SLC35F4: variants seen among roughly 807,000 people sequenced by gnomAD.
The protein encoded by SLC35F4 is solute carrier family 35 member F4, also known as chromosome 14 open reading frame 36.
SLC35F4 carries 24 observed loss-of-function variants against 44.2 expected under a neutral mutation model. The observed-to-expected ratio is 0.54, with a 90% CI of 0.39 to 0.76. The LOEUF (loss-of-function observed/expected upper bound fraction) is 0.76. Among genes scored for constraint, SLC35F4 ranks in the 30% least tolerant of loss-of-function variants. SLC35F4 has a pLI of 0.00. For synonymous variants in SLC35F4, 238 were observed against 223.6 expected (o/e 1.06, Z -0.57); for missense variants, 562 against 586.1 (o/e 0.96, Z 0.42).
intron 1 of SLC35F4, among the ~76,000 whole-genome samples, chr14:57,847,749 T>C (rs1282008113): frequency 6.6e-6 from 1 of 152,208 alleles, no homozygotes; most frequent in Admixed American, 6.5e-5. Context: ...TTTTCCCCCA[T>C]GTTGTGACAT....
rs541774650 is a variant in SLC35F4, at chr14:57,715,219, T to C, written c.104-121095A>G. Among the ~76,000 whole-genome samples the C allele has an allele frequency of 2.6e-5, 4 of 152,012 alleles. No homozygotes were observed. In the East Asian group the frequency reaches 7.8e-4, roughly 29 times the overall value. ...TTCCAGGTTGGCAATTTATAGACAA[T>C]AATGCAGAAGAATGCAAGAGGAAGA... On this transcript the variant is annotated intron_variant, in intron 1 of 7. Transcript: ENST00000556826.
chr14:57,844,524 C>G (rs1338113692), intron 1 of SLC35F4, among the ~76,000 whole-genome samples: 1 of 152,120 alleles, frequency 6.6e-6, no homozygotes, highest in Non-Finnish European at 1.5e-5. Context: ...GATCATAATT[C>G]CACCAATATT....
intron 1 of SLC35F4, among the ~76,000 whole-genome samples, chr14:57,832,458 G>A (rs895657997): frequency 1.3e-5 from 2 of 152,132 alleles, no homozygotes; most frequent in Admixed American, 6.5e-5. Flanking sequence ...CTATAGTTAA[G>A]AAAATTATAT....
intron 3 of SLC35F4, among the ~76,000 whole-genome samples, chr14:57,585,604 G>T (rs1320779865): frequency 6.6e-6 from 1 of 152,146 alleles, no homozygotes; most frequent in African/African-American, 2.4e-5. Flanking sequence ...TACCGCCTCA[G>T]CCTAAAATCT....
chr14:57,747,426 C>G (rs1367495802), intron 1 of SLC35F4, among the ~76,000 whole-genome samples: 2 of 152,092 alleles, frequency 1.3e-5, no homozygotes, highest in Non-Finnish European at 2.9e-5. Flanking sequence ...ATTTTGACTA[C>G]CTTTTAAAAA....
chr14:57,593,060 A>C (rs977360857), intron 2 of SLC35F4, among the ~76,000 whole-genome samples: 1 of 152,224 alleles, frequency 6.6e-6, no homozygotes, highest in African/African-American at 2.4e-5. Flanking sequence ...AAAGACAATC[A>C]TACCACAAGT....
At chr14:57,672,000 T>C (rs2074538137) in intron 1 of SLC35F4, among the ~76,000 whole-genome samples, 1 of 152,124 alleles carries the variant, frequency 6.6e-6, no homozygotes, top group Admixed American at 6.5e-5. Context: ...ACTTGATTCC[T>C]TACTTCTGGA....
intron 1 of SLC35F4, among the ~76,000 whole-genome samples, chr14:57,649,839 T>C (rs2073709033): frequency 6.6e-6 from 1 of 152,118 alleles, no homozygotes; most frequent in South Asian, 2.1e-4. Context: ...CCATACTGAA[T>C]CCAGAGATTT....
chr14:57,707,796 T>G (rs969483186), intron 1 of SLC35F4, among the ~76,000 whole-genome samples: 1 of 152,142 alleles, frequency 6.6e-6, no homozygotes, highest in African/African-American at 2.4e-5. Context: ...CTTTGCAAAA[T>G]TATAACTGAG....
At chr14:57,750,197 T>C (rs575791541) in intron 1 of SLC35F4, among the ~76,000 whole-genome samples, 23 of 152,284 alleles carry the variant, frequency 1.5e-4, no homozygotes, top group African/African-American at 5.3e-4. Flanking sequence ...TTTCCATCCA[T>C]GTTGCTGCAA....
intron 1 of SLC35F4, among the ~76,000 whole-genome samples, chr14:57,823,345 TG>T (rs1382379781): frequency 1.3e-5 from 2 of 152,196 alleles, no homozygotes; most frequent in African/African-American, 4.8e-5. Context: ...TCACCTACCC[TG>T]TCCTCATAGA....
At chr14:57,880,352 C>T (rs1888507680) in intron 1 of SLC35F4, among the ~76,000 whole-genome samples, 2 of 152,086 alleles carry the variant, frequency 1.3e-5, no homozygotes, top group Non-Finnish European at 2.9e-5. Flanking sequence ...TTCTCCTCAA[C>T]TTAAGGGGCA....
chr14:57,628,481 TG>T (rs1302247534), intron 1 of SLC35F4, among the ~76,000 whole-genome samples: 2 of 141,718 alleles, frequency 1.4e-5, no homozygotes, highest in East Asian at 4.0e-4. Context: ...CAGTGTGAGA[TG>T]TTCCCCTCCC....
intron 1 of SLC35F4, among the ~76,000 whole-genome samples, chr14:57,619,010 G>C (rs2072022210): frequency 6.6e-6 from 1 of 152,044 alleles, no homozygotes; most frequent in South Asian, 2.1e-4. Flanking sequence ...CTCTGGGCAG[G>C]GCATCACCGA....
intron 1 of SLC35F4, among the ~76,000 whole-genome samples, chr14:57,769,476 C>G (rs2077310054): frequency 6.6e-6 from 1 of 152,114 alleles, no homozygotes; most frequent in Non-Finnish European, 1.5e-5. Flanking sequence ...TCAGCCAAAA[C>G]CTCATAAAAT....
chr14:57,599,265 C>T (rs1202183079), intron 1 of SLC35F4, among the ~76,000 whole-genome samples: 1 of 152,140 alleles, frequency 6.6e-6, no homozygotes, highest in Non-Finnish European at 1.5e-5. Context: ...AAAAGGTGGT[C>T]AAGGTATAGG....
intron 1 of SLC35F4, among the ~76,000 whole-genome samples, chr14:57,884,611 G>A (rs894381306): frequency 2.0e-5 from 3 of 152,142 alleles, no homozygotes; most frequent in Non-Finnish European, 4.4e-5. Context: ...AATGTATACA[G>A]AGAGAAACTC....
intron 1 of SLC35F4, among the ~76,000 whole-genome samples, chr14:57,605,379 C>T (rs2071094764): frequency 6.6e-6 from 1 of 152,070 alleles, no homozygotes; most frequent in Admixed American, 6.6e-5. Flanking sequence ...TAATCATCAA[C>T]AAATGCAAAT....
intron 1 of SLC35F4, among the ~76,000 whole-genome samples, chr14:57,671,359 G>T (rs1368443924): frequency 6.6e-6 from 1 of 151,906 alleles, no homozygotes; most frequent in Non-Finnish European, 1.5e-5. Context: ...TGAGGAGAGG[G>T]GAGGACTTTG....
Sources: gnomAD v4.1 joint callset for allele counts (sites outside exome capture counted in the v4.1 genomes callset) on GRCh38, gnomAD v4.1.1 for gene constraint, MANE v1.5 for transcripts, NCBI Gene and HGNC (gene_info 2026-07-23, HGNC 2026-07-21) for gene names.